The following GALNT7 variants were observed in gnomAD, a reference collection of about 807,000 sequenced individuals.
GALNT7 encodes the protein N-acetylgalactosaminyltransferase 7.
A neutral mutation model predicts 82.1 loss-of-function variants in GALNT7; 60 were observed. The observed-to-expected ratio is 0.73, with a 90% CI of 0.59 to 0.91. The LOEUF is 0.91. GALNT7 is among the 40% of genes least tolerant of loss of function. GALNT7 has a pLI of 0.00. For synonymous variants in GALNT7, 243 were observed against 275.1 expected (o/e 0.88, Z 1.15); for missense variants, 660 against 804.2 (o/e 0.82, Z 2.17).
At chr4:173,250,011 G>A (rs532704826) in intron 2 of GALNT7, among the ~76,000 whole-genome samples, 1 of 152,160 alleles carries the variant, frequency 6.6e-6, no homozygotes, top group Admixed American at 6.5e-5. Context: ...ACTTTCTGCT[G>A]CAGGCTGGGA....
intron 1 of GALNT7, among the ~76,000 whole-genome samples, chr4:173,175,345 C>A (rs1166378175): frequency 6.6e-6 from 1 of 152,154 alleles, no homozygotes; most frequent in Non-Finnish European, 1.5e-5. Context: ...ATTGCAAGTC[C>A]GATGGAATCC....
chr4:173,172,849 C>T (rs995505100), intron 1 of GALNT7, among the ~76,000 whole-genome samples: 2 of 152,180 alleles, frequency 1.3e-5, no homozygotes, highest in African/African-American at 2.4e-5. Flanking sequence ...GCATGGGTCT[C>T]GTAGTCCATG....
chr4:173,179,392 T>C lies in GALNT7; in HGVS notation c.126+10431T>C, dbSNP rs148785626. Among the ~76,000 whole-genome samples the C allele has an allele frequency of 1.2e-4, 18 of 152,346 alleles. No homozygotes were observed. The East Asian group carries it at 3.5e-3, about 29-fold the overall frequency. On this transcript the variant is annotated intron_variant, in intron 1 of 11. Coordinates refer to ENST00000265000, the MANE Select transcript of GALNT7 (RefSeq NM_017423.3). Reference sequence around the variant, plus strand: ...GTGTGGTGGCTCATGCTTATAATTCTAGCATTTTGGGAGCCTGAGCCTGGA... The same window carrying C: ...GTGTGGTGGCTCATGCTTATAATTCCAGCATTTTGGGAGCCTGAGCCTGGA...
chr4:173,293,395 T>G (rs1736609037), intron 3 of GALNT7, among the ~76,000 whole-genome samples: 2 of 152,154 alleles, frequency 1.3e-5, no homozygotes, highest in Non-Finnish European at 2.9e-5. Context: ...AAAGTACAGC[T>G]TTAATTAGTT....
At chr4:173,244,923 G>C (rs535192457) in intron 1 of GALNT7, among the ~76,000 whole-genome samples, 1 of 152,298 alleles carries the variant, frequency 6.6e-6, no homozygotes, top group Admixed American at 6.5e-5. Context: ...GAGACAGTCA[G>C]TGAAACAGGC....
chr4:173,254,372 G>A (rs1011789456), intron 2 of GALNT7, among the ~76,000 whole-genome samples: 1 of 152,028 alleles, frequency 6.6e-6, no homozygotes. Context: ...CCATATTAAA[G>A]GTTCTCTTTG....
At chr4:173,283,647 A>G (rs1275335511) in intron 2 of GALNT7, among the ~76,000 whole-genome samples, 3 of 151,870 alleles carry the variant, frequency 2.0e-5, no homozygotes, top group Non-Finnish European at 4.4e-5. Context: ...AAAAAAAAAA[A>G]AAAAAAGAAA....
At chr4:173,246,636 T>G (rs1734644838) in intron 1 of GALNT7, among the ~76,000 whole-genome samples, 1 of 152,240 alleles carries the variant, frequency 6.6e-6, no homozygotes, top group Non-Finnish European at 1.5e-5. Context: ...CCTTGACTAC[T>G]AATTTCACGT....
chr4:173,321,662 G>A lies in GALNT7; in HGVS notation c.1919G>A (p.Cys640Tyr). The change falls in exon 12 of 12, where the codon TGT becomes TAT. Residue 640 changes from cysteine to tyrosine, a missense_variant. Cys to Tyr is a radical substitution (Grantham distance 194, BLOSUM62 -2). Around this residue, in one of 2 missense-constraint regions of GALNT7, gnomAD observed 527 missense variants for 683.5 expected, o/e 0.77. Transcript: ENST00000265000. Reference protein sequence around the residue: ...EVLHQVFISNCDSSKTTQKWE... With the variant: ...EVLHQVFISNYDSSKTTQKWE... Reference sequence around the variant, plus strand: ...CTGCATCAAGTATTCATCTCCAATTGTGACTCCAGTAAAACGACTCAAAAA... The same window carrying A: ...CTGCATCAAGTATTCATCTCCAATTATGACTCCAGTAAAACGACTCAAAAA... 1 of 1,605,626 alleles carries A rather than the reference G, an allele frequency of 6.2e-7. No individual in the cohort carries two copies. The highest frequency in any genetic ancestry group is 8.5e-7 in the Non-Finnish European group (1 of 1,172,452).
intron 1 of GALNT7, among the ~76,000 whole-genome samples, chr4:173,214,050 G>A (rs1188260879): frequency 6.6e-6 from 1 of 151,968 alleles, no homozygotes; most frequent in Admixed American, 6.6e-5. Context: ...TTAATGTAAG[G>A]GCTTTTCAGT....
At chr4:173,212,392 A>G (rs1414994324) in intron 1 of GALNT7, among the ~76,000 whole-genome samples, 1 of 152,202 alleles carries the variant, frequency 6.6e-6, no homozygotes, top group Non-Finnish European at 1.5e-5. Flanking sequence ...TAACTACTAG[A>G]ATTTTTAAAA....
At chr4:173,284,861 A>G (rs748859201) in intron 2 of GALNT7, among the ~76,000 whole-genome samples, 4 of 152,192 alleles carry the variant, frequency 2.6e-5, no homozygotes, top group African/African-American at 9.7e-5. Context: ...ATCCTATTCA[A>G]TCTTAACCAG....
rs202210734 is a variant in GALNT7, at chr4:173,216,706, C to CATATATATAT, written c.127-31261_127-31252dup. On this transcript the variant is annotated intron_variant, in intron 1 of 11. Coordinates refer to ENST00000265000, the MANE Select transcript of GALNT7 (RefSeq NM_017423.3). ...GTAATTTGGTTTCTTGTGTACTATT[C>CATATATATAT]ATATATATATATATATATATATTTT... 8.8e-5 allele frequency among the ~76,000 whole-genome samples: 5 copies of CATATATATAT among 56,968 alleles called. 1 individual carries two copies. The highest frequency in any genetic ancestry group is 4.8e-4 in the African/African-American group (5 of 10,354). 37.4% of individuals were successfully genotyped at this position (56,968 alleles called of 152,430 possible).
intron 1 of GALNT7, among the ~76,000 whole-genome samples, chr4:173,177,915 C>G (rs1732103265): frequency 6.6e-6 from 1 of 151,846 alleles, no homozygotes. Flanking sequence ...TATTAGAGAA[C>G]TGTAACTATC....
intron 1 of GALNT7, among the ~76,000 whole-genome samples, chr4:173,220,779 A>G (rs1434438500): frequency 1.3e-5 from 2 of 151,798 alleles, no homozygotes; most frequent in Middle Eastern, 3.4e-3. Context: ...GCGATGGTTT[A>G]CTGAGAATGA....
chr4:173,301,338 A>G (rs1218865461), intron 6 of GALNT7, among the ~76,000 whole-genome samples: 1 of 151,990 alleles, frequency 6.6e-6, no homozygotes, highest in Non-Finnish European at 1.5e-5. Flanking sequence ...TTCTGCTGTA[A>G]TTTCTCCCAA....
At chr4:173,214,158 C>T (rs1733368394) in intron 1 of GALNT7, among the ~76,000 whole-genome samples, 1 of 151,892 alleles carries the variant, frequency 6.6e-6, no homozygotes, top group African/African-American at 2.4e-5. Context: ...TATTTTTTTG[C>T]AAGACCTAAC....
At chr4:173,192,116 G>A (rs1235224637) in intron 1 of GALNT7, among the ~76,000 whole-genome samples, 1 of 152,204 alleles carries the variant, frequency 6.6e-6, no homozygotes, top group Admixed American at 6.5e-5. Flanking sequence ...GTGGAGAAGT[G>A]TGTGGTGGGT....
intron 2 of GALNT7, among the ~76,000 whole-genome samples, chr4:173,276,554 A>G (rs1343931227): frequency 1.3e-5 from 2 of 152,212 alleles, no homozygotes; most frequent in Non-Finnish European, 2.9e-5. Context: ...CAAGAAAAGA[A>G]TAGTCTACAT....
Sources: allele counts gnomAD v4.1 joint callset (sites outside exome capture counted in the v4.1 genomes callset), GRCh38; gene constraint gnomAD v4.1.1; regional missense constraint gnomAD v4.1.1; transcripts MANE v1.5; gene names NCBI Gene and HGNC (gene_info 2026-07-23, HGNC 2026-07-21).